The following IGF1R variants were observed in gnomAD, a reference collection of about 807,000 sequenced individuals.
IGF1R encodes the protein insulin-like growth factor 1 receptor.
In IGF1R, 44 loss-of-function variants were observed where a neutral mutation model predicts 144.6. The observed-to-expected ratio is 0.30, with a 90% CI of 0.24 to 0.39. The LOEUF (loss-of-function observed/expected upper bound fraction) is 0.39, where lower values mean the gene tolerates loss of function less well. Ranked by LOEUF, IGF1R falls within the 10% of genes least tolerant of loss-of-function variation. IGF1R has a pLI of 1.00. For missense variants in IGF1R, 1,355 were observed against 1,833.7 expected, an observed-to-expected ratio of 0.74 and a Z score of 4.77; for synonymous variants, 795 against 722.8, an observed-to-expected ratio of 1.10 and a Z score of -1.60.
chr15:98,862,663 T>C (rs1002912163), intron 2 of IGF1R, among the ~76,000 whole-genome samples: 8 of 152,234 alleles, frequency 5.3e-5, no homozygotes, highest in African/African-American at 1.7e-4. Flanking sequence ...AAGTGTATCA[T>C]TGGAGGTGGG....
intron 12 of IGF1R, 101 bp from the exon 13 acceptor site, chr15:98,924,424 A>C (rs1446248722): frequency 2.8e-6 from 3 of 1,056,430 alleles, no homozygotes; most frequent in Admixed American, 1.7e-5. Context: ...GTGGGAGGTC[A>C]GATCAGGCAG....
At chr15:98,886,520 T>C (rs4966036) in intron 2 of IGF1R, among the ~76,000 whole-genome samples, 39,278 of 152,104 alleles carry the variant, frequency 0.26, 5,431 homozygotes, top group East Asian at 0.41. Context: ...TGTTAGTTTA[T>C]AGCAGCTTCT....
chr15:98,753,039 G>C, intron 2 of IGF1R, among the ~76,000 whole-genome samples: 1 of 149,302 alleles, frequency 6.7e-6, no homozygotes, highest in East Asian at 2.0e-4. Context: ...GGGTTCAAGC[G>C]ATTCTCCTGC....
At chr15:98,749,777 A>T (rs1444314528) in intron 2 of IGF1R, among the ~76,000 whole-genome samples, 2 of 152,352 alleles carry the variant, frequency 1.3e-5, no homozygotes, top group South Asian at 2.1e-4. Context: ...GGCAGGTGAC[A>T]GCATGGTGGG....
At chr15:98,816,527 T>G (rs1287455887) in intron 2 of IGF1R, among the ~76,000 whole-genome samples, 1 of 152,230 alleles carries the variant, frequency 6.6e-6, no homozygotes, top group Non-Finnish European at 1.5e-5. Context: ...GTGTTTTCTT[T>G]GGGCAGTTCA....
chr15:98,925,654 A>G (rs1320081372), intron 13 of IGF1R, among the ~76,000 whole-genome samples: 4 of 152,194 alleles, frequency 2.6e-5, no homozygotes, highest in African/African-American at 4.8e-5. Context: ...TGTGATCCCA[A>G]CACTTTGGGA....
chr15:98,816,685 G>A (rs2056702325), intron 2 of IGF1R, among the ~76,000 whole-genome samples: 1 of 152,232 alleles, frequency 6.6e-6, no homozygotes, highest in African/African-American at 2.4e-5. Context: ...GCTCCCTGGA[G>A]TGTAAGAATA....
chr15:98,671,873 C>G (rs535946020), intron 1 of IGF1R, among the ~76,000 whole-genome samples: 1 of 152,252 alleles, frequency 6.6e-6, no homozygotes, highest in East Asian at 1.9e-4. Flanking sequence ...AGTTTAGGCT[C>G]TTGTTTGGAC....
At chr15:98,664,157 C>T (rs1475227058) in intron 1 of IGF1R, among the ~76,000 whole-genome samples, 3 of 152,172 alleles carry the variant, frequency 2.0e-5, no homozygotes, top group Non-Finnish European at 2.9e-5. Flanking sequence ...AATTTTCAAT[C>T]ACGTTCACCT....
chr15:98,844,322 A>C (rs541880247), intron 2 of IGF1R, among the ~76,000 whole-genome samples: 1 of 152,250 alleles, frequency 6.6e-6, no homozygotes, highest in African/African-American at 2.4e-5. Context: ...CTTTTAAACA[A>C]ATTGTCACAA....
intron 2 of IGF1R, among the ~76,000 whole-genome samples, chr15:98,826,949 C>T (rs1170598710): frequency 2.0e-5 from 3 of 152,216 alleles, no homozygotes; most frequent in Admixed American, 6.5e-5. Context: ...TCTGGCCATA[C>T]GGCTGCCTAG....
chr15:98,720,275 A>G (rs2054216393), intron 2 of IGF1R, among the ~76,000 whole-genome samples: 1 of 152,246 alleles, frequency 6.6e-6, no homozygotes, highest in Non-Finnish European at 1.5e-5. Context: ...GGGAATTTGC[A>G]TGAAAATTGT....
At chr15:98,876,752 T>C (rs1231049131) in intron 2 of IGF1R, among the ~76,000 whole-genome samples, 1 of 152,200 alleles carries the variant, frequency 6.6e-6, no homozygotes, top group African/African-American at 2.4e-5. Context: ...TGTTCTTTGG[T>C]ACAGTTCCCC....
chr15:98,681,714 G>T (rs758002676), intron 1 of IGF1R, among the ~76,000 whole-genome samples: 1 of 152,182 alleles, frequency 6.6e-6, no homozygotes. Flanking sequence ...ATTTTACCCT[G>T]TGTATTAGTT....
chr15:98,924,047 C>A, intron 12 of IGF1R, 35 bp downstream of exon 12: 1 of 1,603,960 alleles, frequency 6.2e-7, no homozygotes, highest in Non-Finnish European at 8.5e-7. Context: ...CCTGCATGTA[C>A]TTCCATCCAT....
chr15:98,863,166 T>TA (rs1477200743), intron 2 of IGF1R, among the ~76,000 whole-genome samples: 2 of 152,236 alleles, frequency 1.3e-5, no homozygotes, highest in Admixed American at 6.5e-5. Flanking sequence ...ATCTTTCTGT[T>TA]AGAGTTTGTG....
At chr15:98,864,558 T>G in intron 2 of IGF1R, among the ~76,000 whole-genome samples, 1 of 152,172 alleles carries the variant, frequency 6.6e-6, no homozygotes, top group East Asian at 1.9e-4. Flanking sequence ...CCCAGCTAAT[T>G]TTTTAATTTT....
intron 2 of IGF1R, chr15:98,824,039 C>A (rs1486109608): frequency 1.3e-5 from 2 of 152,132 alleles, no homozygotes; most frequent in African/African-American, 4.8e-5. Context: ...TAGTTTTTCT[C>A]ATTAAAAATA....
chr15:98,946,985 A>G (rs1013530564), intron 19 of IGF1R, among the ~76,000 whole-genome samples: 2 of 152,208 alleles, frequency 1.3e-5, no homozygotes, highest in Non-Finnish European at 2.9e-5. Flanking sequence ...TTCTTGTACC[A>G]AGCTGCATTT....
Sources: allele counts gnomAD v4.1 joint callset (sites outside exome capture counted in the v4.1 genomes callset), GRCh38; gene constraint gnomAD v4.1.1; transcripts MANE v1.5; gene names NCBI Gene and HGNC (gene_info 2026-07-23, HGNC 2026-07-21).